Variants in SOSTDC1 observed in about 807,000 individuals in gnomAD.
SOSTDC1 encodes the protein sclerostin domain containing 1, also known as sclerostin domain-containing protein 1.
Under a neutral mutation model 15.1 loss-of-function variants are expected in SOSTDC1, and 7 were observed. The observed-to-expected ratio is 0.46, with a 90% confidence interval of 0.26 to 0.87. SOSTDC1 has a LOEUF of 0.87. Ranked by LOEUF, SOSTDC1 falls within the 40% of genes least tolerant of loss-of-function variation. The pLI is 0.15. For synonymous variants in SOSTDC1, 94 were observed against 93.2 expected, an observed-to-expected ratio of 1.01 and a Z score of -0.05; for missense variants, 242 against 259.2, an observed-to-expected ratio of 0.93 and a Z score of 0.46.
In SOSTDC1 at chr7:16,462,764, A is replaced by G. The variant is rs1456929369; in HGVS notation, c.405T>C (p.Asn135=). 1 of 1,614,086 alleles carries G rather than the reference A, an allele frequency of 6.2e-7. No homozygotes were observed. The highest frequency in any genetic ancestry group is 8.5e-7 in the Non-Finnish European group (1 of 1,180,008). ...GGATTCTCTGGGTACGGGTTTTGTCATTGACACACCGCCACTCCTGGGAGC... is the reference window on the plus strand; with the variant it reads ...GGATTCTCTGGGTACGGGTTTTGTCGTTGACACACCGCCACTCCTGGGAGC... The part of the protein sequence containing the change: ...RRSSQEWRCV[N]DKTRTQRIQL... Residue 135 remains asparagine (N), a synonymous_variant, in exon 2 of 2, where the codon AAT becomes AAC. Transcript: ENST00000307068.
chr7:16,462,604 G>A lies in SOSTDC1; in HGVS notation c.565C>T (p.Gln189Ter), dbSNP rs763456089. The stretch of plus-strand genomic sequence containing the variant: ...GCTCTTTTCCGCTCTCTGTGATGCT[G>A]GACTGGCTTGGCAGGTGACATGCTC... ...FESMSPAKPV[Q>*]HHRERKRASK... The change falls in exon 2 of 2, where the codon CAG (glutamine) becomes TAG (stop). Residue 189 changes from glutamine (Q) to a stop codon, truncating the protein, a stop_gained. Transcript: ENST00000307068. LOFTEE classifies it high-confidence loss of function. 1 of 1,614,172 alleles carries A rather than the reference G, an allele frequency of 6.2e-7. No individual in the cohort carries two copies. The highest frequency in any genetic ancestry group is 1.1e-5 in the South Asian group (1 of 91,082).
intron 1 of SOSTDC1, chr7:16,464,465 A>G (rs1484877550): frequency 6.1e-6 from 6 of 978,266 alleles, no homozygotes; most frequent in Non-Finnish European, 9.5e-6. Context: ...TCAGTAATCT[A>G]ATAATAATCA....
At chr7:16,464,676 T>TCTCTCTC (rs1469818188) in intron 1 of SOSTDC1, among the ~76,000 whole-genome samples, 1 of 132,606 alleles carries the variant, frequency 7.5e-6, no homozygotes, top group African/African-American at 3.2e-5. Flanking sequence ...CTCTCTCTCT[T>TCTCTCTC]AAAACCTGAT....
Position 16,462,731 on chromosome 7 carries a change from C to G in SOSTDC1, c.438G>C (p.Gln146His), listed in dbSNP as rs147807617. 2 of 1,614,216 alleles carry G rather than the reference C, an allele frequency of 1.2e-6. No homozygotes were observed. The highest frequency in any genetic ancestry group is 1.7e-6 in the Non-Finnish European group (2 of 1,180,042). ...AGGTGCGTGTGCTGCCATCTTGGCA[C>G]TGCAGCTGGATTCTCTGGGTACGGG... ...DKTRTQRIQL[Q>H]CQDGSTRTYK... Residue 146 changes from glutamine to histidine, a missense_variant, in exon 2 of 2, where the codon CAG (glutamine) becomes CAC (histidine). Transcript: ENST00000307068.
chr7:16,462,765 T>C lies in SOSTDC1; in HGVS notation c.404A>G (p.Asn135Ser), dbSNP rs143801072. 0.013 allele frequency: 20,206 copies of C among 1,614,196 alleles called. 165 individuals carry two copies. Among genetic ancestry groups the C allele is most frequent in the Non-Finnish European group, 0.014 (16,823 of 1,180,028 alleles). Reference sequence around the variant, plus strand: ...GATTCTCTGGGTACGGGTTTTGTCATTGACACACCGCCACTCCTGGGAGCT... The same window carrying C: ...GATTCTCTGGGTACGGGTTTTGTCACTGACACACCGCCACTCCTGGGAGCT... Reference protein sequence around the residue: ...RRSSQEWRCVNDKTRTQRIQL... With the variant: ...RRSSQEWRCVSDKTRTQRIQL... Residue 135 changes from asparagine (N) to serine (S), a missense_variant, in exon 2 of 2, where the codon AAT becomes AGT. Physicochemically the swap from Asn to Ser is conservative, Grantham distance 46. Transcript: ENST00000307068.
In SOSTDC1 at chr7:16,465,629, C is replaced by CA; in HGVS notation, c.39dup (p.Ala14CysfsTer12). ...AAACAGCTTTTCATTAGGATGCATG[C>CA]AAGGGGAAGGAGATAGAAATGAATG... On this transcript the variant is annotated frameshift_variant, in exon 1 of 2. Transcript: ENST00000307068. LOFTEE classifies it high-confidence loss of function. 6.2e-7 allele frequency: 1 copy of CA among 1,614,012 alleles called. No homozygotes were observed. The highest frequency in any genetic ancestry group is 8.5e-7 in the Non-Finnish European group (1 of 1,179,976).
chr7:16,463,007 A>G (rs776008152), intron 1 of SOSTDC1, 44 bp from the exon 2 acceptor site: 3 of 1,505,284 alleles, frequency 2.0e-6, no homozygotes. Flanking sequence ...AAAAATGCAA[A>G]TGAAGACCTT....
rs369473429 is a variant in SOSTDC1 at position 16,465,522 on chromosome 7, C to T, written c.147G>A (p.Thr49=). The change falls in exon 1 of 2, where the codon ACG becomes ACA. Residue 49 remains threonine (T), a synonymous_variant. Coordinates refer to ENST00000307068, the MANE Select transcript of SOSTDC1 (RefSeq NM_015464.3). ...TGCCTCCATTTCTGGCTTGATTCAA[C>T]GTGCTGTTGCTGCTGGGGTGTGCTG... ...PVPAHPSSNS[T]LNQARNGGRH... 69 of 1,614,124 alleles carry T rather than the reference C, an allele frequency of 4.3e-5. 1 individual carries two copies. Among genetic ancestry groups the T allele is most frequent in the South Asian group, 2.0e-4 (18 of 91,080 alleles).
At position 16,462,835 on chromosome 7, in the gene SOSTDC1, T is replaced by A; in HGVS notation, c.334A>T (p.Asn112Tyr). 1 of 1,614,148 alleles carries A rather than the reference T, an allele frequency of 6.2e-7. No homozygotes were observed. Among genetic ancestry groups the A allele is most frequent in the South Asian group, 1.1e-5 (1 of 91,082 alleles). Residue 112 changes from asparagine (N) to tyrosine (Y), a missense_variant, in exon 2 of 2, where the codon AAC (asparagine) becomes TAC (tyrosine). By Grantham distance (143) the Asn-to-Tyr change is moderately radical. Coordinates refer to ENST00000307068, the MANE Select transcript of SOSTDC1 (RefSeq NM_015464.3). ...GTTCCATAGCCTCCTCCAATCCAGT[T>A]AGGGAGCACTGGCAGGGGCAAGCAC... is the stretch of plus-strand genomic sequence containing the variant. ...GECLPLPVLP[N>Y]WIGGGYGTKY...
chr7:16,464,478 TATG>T, intron 1 of SOSTDC1: 2 of 907,668 alleles, frequency 2.2e-6, no homozygotes, highest in Non-Finnish European at 3.5e-6. Flanking sequence ...AATAATCAGA[TATG>T]TCCTGTGTAC....
Position 16,462,400 on chromosome 7 carries a change from G to A in SOSTDC1, c.*148C>T. On this transcript the variant is annotated 3_prime_UTR_variant, in exon 2 of 2. Coordinates refer to ENST00000307068, the MANE Select transcript of SOSTDC1 (RefSeq NM_015464.3). ...AAAAACTATTCCCAAAGAAGGTCCT[G>A]ATACTTAAGACAGCTTGCTGGGTTT... The A allele has an allele frequency of 7.3e-6, 6 of 817,264 alleles. No homozygotes were observed. The South Asian group carries it at 1.1e-4, about 15-fold the overall frequency. 50.6% of individuals were successfully genotyped at this position (817,264 alleles called of 1,614,324 possible). A position where few individuals can be genotyped will look rare whatever the true frequency, so the allele number is the denominator to read the frequency against.
intron 1 of SOSTDC1, among the ~76,000 whole-genome samples, chr7:16,463,814 GT>G (rs1168938774): frequency 6.6e-6 from 1 of 152,014 alleles, no homozygotes; most frequent in Non-Finnish European, 1.5e-5. Flanking sequence ...CAAACTTTTT[GT>G]TTTAGTTATT....
Position 16,462,961 on chromosome 7 carries a change from G to T in SOSTDC1, c.208C>A (p.Arg70=). 1 of 1,541,232 alleles carries T rather than the reference G, an allele frequency of 6.5e-7. No individual in the cohort carries two copies. Among genetic ancestry groups the T allele is most frequent in the South Asian group, 1.2e-5 (1 of 80,610 alleles). Residue 70 remains arginine, a splice_region_variant and synonymous_variant, in exon 2 of 2, where the codon CGG becomes AGG. Transcript: ENST00000307068. The part of the protein sequence containing the change: ...FSNTGLDRNT[R]VQVGCRELRS... Reference sequence around the variant, plus strand: ...AGTTCCCGGCAACCCACTTGAACCCGAGCTGCAGGAAACAAAAAAGAATGT... The same window carrying T: ...AGTTCCCGGCAACCCACTTGAACCCTAGCTGCAGGAAACAAAAAAGAATGT...
In SOSTDC1 at chr7:16,462,370, A is replaced by G; in HGVS notation, c.*178T>C. On this transcript the variant is annotated 3_prime_UTR_variant, in exon 2 of 2. Transcript: ENST00000307068. ...TATACCTACATCTTGAAAAACTTGA[A>G]AAGGAAAAACTATTCCCAAAGAAGG... The G allele has an allele frequency of 1.6e-6, 1 of 642,038 alleles. No individual in the cohort carries two copies. The highest frequency in any genetic ancestry group is 2.7e-6 in the Non-Finnish European group (1 of 375,706). 39.8% of individuals were successfully genotyped at this position (642,038 alleles called of 1,614,324 possible). A position where few individuals can be genotyped will look rare whatever the true frequency, so the allele number is the denominator to read the frequency against.
intron 1 of SOSTDC1, chr7:16,464,203 T>TA: frequency 1.3e-6 from 1 of 775,650 alleles, no homozygotes; most frequent in Non-Finnish European, 2.2e-6. Context: ...TGGAAAAACT[T>TA]ATGTATATAG....
chr7:16,463,339 C>T (rs960167955), intron 1 of SOSTDC1, among the ~76,000 whole-genome samples: 2 of 152,076 alleles, frequency 1.3e-5, no homozygotes, highest in East Asian at 3.9e-4. Flanking sequence ...TAAGAGTATA[C>T]TTTAATATTC....
chr7:16,465,659 G>T lies in SOSTDC1; in HGVS notation c.10C>A (p.Pro4Thr). 6.2e-7 allele frequency: 1 copy of T among 1,613,964 alleles called. No homozygotes were observed. The highest frequency in any genetic ancestry group is 1.1e-5 in the South Asian group (1 of 91,072). The part of the protein sequence containing the change: MLP[P>T]AIHFYLLPLA... ...GGAAGGAGATAGAAATGAATGGCAG[G>T]AGGAAGCATGGTGAGTAGAGGATTT... is the stretch of plus-strand genomic sequence containing the variant. Residue 4 changes from proline to threonine, a missense_variant, in exon 1 of 2, where the codon CCT becomes ACT. Physicochemically the swap from Pro to Thr is conservative, Grantham distance 38. Coordinates refer to ENST00000307068, the MANE Select transcript of SOSTDC1 (RefSeq NM_015464.3).
chr7:16,463,713 C>G (rs1408465383), intron 1 of SOSTDC1, among the ~76,000 whole-genome samples: 1 of 152,114 alleles, frequency 6.6e-6, no homozygotes, highest in African/African-American at 2.4e-5. Context: ...GGCTACATTT[C>G]CATGAATTTT....
intron 1 of SOSTDC1, among the ~76,000 whole-genome samples, chr7:16,465,122 A>G (rs1781281705): frequency 6.6e-6 from 1 of 152,206 alleles, no homozygotes; most frequent in Non-Finnish European, 1.5e-5. Flanking sequence ...ATAAATTGAC[A>G]AAACAACCGG....
Sources: allele counts gnomAD v4.1 joint callset (sites outside exome capture counted in the v4.1 genomes callset), GRCh38; gene constraint gnomAD v4.1.1; transcripts MANE v1.5; gene names NCBI Gene and HGNC (gene_info 2026-07-23, HGNC 2026-07-21).